The following NPLOC4 variants were observed in gnomAD, a reference collection of about 807,000 sequenced individuals.
NPLOC4 encodes the protein nuclear protein localization protein 4 homolog.
A neutral mutation model predicts 80.6 loss-of-function variants in NPLOC4; 18 were observed. The observed-to-expected ratio is 0.22, with a 90% CI of 0.15 to 0.33. The LOEUF (loss-of-function observed/expected upper bound fraction) is 0.33. Ranked by LOEUF, NPLOC4 falls within the 10% of genes least tolerant of loss-of-function variation. The probability of loss-of-function intolerance (pLI) is 1.00; values close to 1 mark genes in which losing one functional copy is unlikely to be tolerated. For missense variants in NPLOC4, 540 were observed against 786.1 expected (o/e 0.69, Z 3.74); for synonymous variants, 313 against 301.5 (o/e 1.04, Z -0.39).
At chr17:81,623,197 T>A (rs550956508) in intron 2 of NPLOC4, among the ~76,000 whole-genome samples, 2 of 150,440 alleles carry the variant, frequency 1.3e-5, no homozygotes, top group East Asian at 4.0e-4. Context: ...TCTGGCCGGG[T>A]GTGGAGGCTC....
intron 1 of NPLOC4, among the ~76,000 whole-genome samples, chr17:81,632,989 G>GCGTGGTGGAGGGCGC (rs1555690069): frequency 1.8e-4 from 27 of 152,008 alleles, no homozygotes; most frequent in Non-Finnish European, 3.8e-4. Flanking sequence ...CATTAGCCAG[G>GCGTGGTGGAGGGCGC]CGTGGTGGAG....
chr17:81,611,613 G>C (rs182254766), intron 4 of NPLOC4, among the ~76,000 whole-genome samples: 1 of 151,756 alleles, frequency 6.6e-6, no homozygotes, highest in East Asian at 2.0e-4. Context: ...GCCTCCCAAA[G>C]TGCTGGGATT....
At chr17:81,602,930 C>T (rs1315856103) in intron 8 of NPLOC4, among the ~76,000 whole-genome samples, 2 of 141,474 alleles carry the variant, frequency 1.4e-5, no homozygotes, top group African/African-American at 2.8e-5. Context: ...TATACACACA[C>T]ACATATATAT....
At chr17:81,598,338 A>G (rs1401669816) in intron 9 of NPLOC4, among the ~76,000 whole-genome samples, 1 of 152,130 alleles carries the variant, frequency 6.6e-6, no homozygotes, top group Non-Finnish European at 1.5e-5. Flanking sequence ...AGCTCTGCCC[A>G]GCACCATGCT....
intron 15 of NPLOC4, 81 bp from the exon 16 acceptor site, chr17:81,565,688 C>G: frequency 9.7e-7 from 1 of 1,033,026 alleles, no homozygotes; most frequent in Non-Finnish European, 1.4e-6. Flanking sequence ...TCTTTCTCCC[C>G]AACATCAAGA....
Position 81,613,427 on chromosome 17 carries a change from C to T in NPLOC4, c.277G>A (p.Val93Ile). ...AGPSSEMETS[V>I]PPGFKVFGAP... ...CCAAAGACTTTGAAGCCCGGTGGAA[C>T]TGACGTCTCCATTTCAGATGAGGGC... Residue 93 changes from valine to isoleucine, a missense_variant, in exon 4 of 17, where the codon GTT (valine) becomes ATT (isoleucine). Val to Ile is a conservative substitution (Grantham distance 29, BLOSUM62 3). This residue lies in a region of NPLOC4 where 74 missense variants were observed against 75.7 expected (regional missense o/e 0.98). Coordinates refer to ENST00000331134, the MANE Select transcript of NPLOC4 (RefSeq NM_017921.4). 1 of 1,613,958 alleles carries T rather than the reference C, an allele frequency of 6.2e-7. No homozygotes were observed. Among genetic ancestry groups the T allele is most frequent in the Non-Finnish European group, 8.5e-7 (1 of 1,179,890 alleles).
At position 81,577,154 on chromosome 17, in the gene NPLOC4, C is replaced by T. The variant is rs1401501960; in HGVS notation, c.1282-5066G>A. Among the ~76,000 whole-genome samples, 1 of 152,152 alleles carries T rather than the reference C, an allele frequency of 6.6e-6. No homozygotes were observed. Among genetic ancestry groups the T allele is most frequent in the African/African-American group, 2.4e-5 (1 of 41,418 alleles). On this transcript the variant is annotated intron_variant, in intron 12 of 16. Coordinates refer to ENST00000331134, the MANE Select transcript of NPLOC4 (RefSeq NM_017921.4). The surrounding 1 kb of genome is among the most constrained non-coding windows in gnomAD (Gnocchi z 4.3). Reference sequence around the variant, plus strand: ...TCAGAGATACCCTCTGGCCCCTCCACAGCTGGCTCCTTGAAGGAACGCTGT... The same window carrying T: ...TCAGAGATACCCTCTGGCCCCTCCATAGCTGGCTCCTTGAAGGAACGCTGT...
Position 81,567,388 on chromosome 17 carries a change from TCAAGTGGA to T in NPLOC4, c.1566+21_1566+28del. ...CTCTTTGCAGCCAAAGCCCACTTGCTCAAGTGGACACCACACTTGGACACGCACCTGCA... is the reference window on the plus strand; with the variant it reads ...CTCTTTGCAGCCAAAGCCCACTTGCTCACCACACTTGGACACGCACCTGCA... On this transcript the variant is annotated intron_variant, in intron 15 of 16. Coordinates refer to ENST00000331134, the MANE Select transcript of NPLOC4 (RefSeq NM_017921.4). This position sits in a 1 kb window ranked among gnomAD's most constrained non-coding sequence, Gnocchi z 4.5. 1 of 1,382,776 alleles carries T rather than the reference TCAAGTGGA, an allele frequency of 7.2e-7. No individual in the cohort carries two copies. Among genetic ancestry groups the T allele is most frequent in the Non-Finnish European group, 1.0e-6 (1 of 973,724 alleles). The allele number at this position is 1,382,776 out of a possible 1,614,324, so 85.7% of individuals were successfully genotyped here. A position where few individuals can be genotyped will look rare whatever the true frequency, so the allele number is the denominator to read the frequency against.
intron 2 of NPLOC4, among the ~76,000 whole-genome samples, chr17:81,622,945 A>G (rs2035704490): frequency 6.6e-6 from 1 of 152,042 alleles, no homozygotes; most frequent in Non-Finnish European, 1.5e-5. Flanking sequence ...CTGTAATCCC[A>G]GCACTTTGGG....
At chr17:81,631,080 G>A (rs2035915168) in intron 1 of NPLOC4, among the ~76,000 whole-genome samples, 1 of 151,828 alleles carries the variant, frequency 6.6e-6, no homozygotes, top group Non-Finnish European at 1.5e-5. Context: ...GGCTGAGGCA[G>A]GAGAATCGCT....
In NPLOC4 at chr17:81,636,955, C is replaced by G. The variant is rs948123406; in HGVS notation, c.-25G>C. On this transcript the variant is annotated 5_prime_UTR_variant, in exon 1 of 17. Coordinates refer to ENST00000331134, the MANE Select transcript of NPLOC4 (RefSeq NM_017921.4). The stretch of plus-strand genomic sequence containing the variant: ...TGGCGGCTGCTCCTGCCTCCGGGCT[C>G]GAGCCCCGGGCCGCCGCCGCCTGCC... 3 of 1,303,574 alleles carry G rather than the reference C, an allele frequency of 2.3e-6. No homozygotes were observed. The highest frequency in any genetic ancestry group is 6.7e-5 in the Admixed American group (2 of 29,690). The allele number at this position is 1,303,574 out of a possible 1,614,324, so 80.8% of individuals were successfully genotyped here.
chr17:81,582,922 C>CA (rs2034482220), intron 12 of NPLOC4, among the ~76,000 whole-genome samples: 1 of 152,246 alleles, frequency 6.6e-6, no homozygotes. Context: ...CCTCCCGATT[C>CA]GAAGAAACAC....
At chr17:81,576,518 G>A (rs2034307058) in intron 12 of NPLOC4, among the ~76,000 whole-genome samples, 2 of 152,206 alleles carry the variant, frequency 1.3e-5, no homozygotes, top group South Asian at 4.1e-4. Context: ...AATCCTCTGT[G>A]TCAACTGAGG....
At position 81,572,842 on chromosome 17, in the gene NPLOC4, G is replaced by A. The variant is rs549625843; in HGVS notation, c.1282-754C>T. On this transcript the variant is annotated intron_variant, in intron 12 of 16. Coordinates refer to ENST00000331134, the MANE Select transcript of NPLOC4 (RefSeq NM_017921.4). This position sits in a 1 kb window ranked among gnomAD's most constrained non-coding sequence, Gnocchi z 4.5. Reference sequence around the variant, plus strand: ...ATCTTACTCACACCTCTGAAAACCCGACTTTCCAGAAACCGAGTACTTGGA... The same window carrying A: ...ATCTTACTCACACCTCTGAAAACCCAACTTTCCAGAAACCGAGTACTTGGA... Among the ~76,000 whole-genome samples the A allele has an allele frequency of 1.7e-4, 26 of 152,240 alleles. No homozygotes were observed. Among genetic ancestry groups the A allele is most frequent in the South Asian group, 1.5e-3 (7 of 4,824 alleles).
rs761763328 is a variant in NPLOC4, at chr17:81,600,445, G to A, written c.835-18C>T. 1 of 1,597,852 alleles carries A rather than the reference G, an allele frequency of 6.3e-7. No individual in the cohort carries two copies. Among genetic ancestry groups the A allele is most frequent in the Admixed American group, 1.7e-5 (1 of 58,880 alleles). ...GTACCAATCTGCAGGGAATCAAAGGGAGAAGATGGACTTAGAGCAGAGGGC... is the reference window on the plus strand; with the variant it reads ...GTACCAATCTGCAGGGAATCAAAGGAAGAAGATGGACTTAGAGCAGAGGGC... On this transcript the variant is annotated intron_variant, in intron 8 of 16. Transcript: ENST00000331134.
rs552149440 is a variant in NPLOC4, at chr17:81,568,638, G to A, written c.1449+378C>T. 4.6e-5 allele frequency among the ~76,000 whole-genome samples: 7 copies of A among 152,380 alleles called. No individual in the cohort carries two copies. In the South Asian group the frequency reaches 6.2e-4, roughly 14 times the overall value. On this transcript the variant is annotated intron_variant, in intron 14 of 16. Coordinates refer to ENST00000331134, the MANE Select transcript of NPLOC4 (RefSeq NM_017921.4). ...GATCAACACTACACACGGGAAAGCC[G>A]AGGCCAGGCCGAGAGGGGCCACACA... is the stretch of plus-strand genomic sequence containing the variant.
intron 12 of NPLOC4, among the ~76,000 whole-genome samples, chr17:81,579,839 C>T (rs1348205933): frequency 4.6e-5 from 7 of 152,048 alleles, no homozygotes; most frequent in Admixed American, 2.0e-4. Flanking sequence ...TGAAACCCCC[C>T]GAAAGAGTCA....
rs534553025 is a variant in NPLOC4, at chr17:81,559,860, G to C, written c.1670-444C>G. Among the ~76,000 whole-genome samples the C allele has an allele frequency of 3.1e-3, 463 of 150,396 alleles. 1 individual carries two copies. Among genetic ancestry groups the C allele is most frequent in the South Asian group, 0.019 (88 of 4,706 alleles). ...CGGTTTTCCTGCCTCAGCCTCCCAA[G>C]TAGCTGGGATTACAGGCATGAACCA... On this transcript the variant is annotated intron_variant, in intron 16 of 16. Coordinates refer to ENST00000331134, the MANE Select transcript of NPLOC4 (RefSeq NM_017921.4).
intron 8 of NPLOC4, among the ~76,000 whole-genome samples, chr17:81,604,009 T>A: frequency 6.6e-6 from 1 of 152,132 alleles, no homozygotes; most frequent in East Asian, 1.9e-4. Flanking sequence ...GGCCTTCCAA[T>A]GACTTCCAAG....
Sources: allele counts gnomAD v4.1 joint callset (sites outside exome capture counted in the v4.1 genomes callset), GRCh38; gene constraint gnomAD v4.1.1; regional missense constraint gnomAD v4.1.1; non-coding constraint Gnocchi (gnomAD v3.1); transcripts MANE v1.5; gene names NCBI Gene and HGNC (gene_info 2026-07-23, HGNC 2026-07-21).